EXOC4: variants seen among roughly 807,000 people sequenced by gnomAD.
EXOC4 encodes SEC8-like 1.
EXOC4 carries 71 observed loss-of-function variants against 107.2 expected under a neutral mutation model. The ratio of observed to expected loss-of-function variants is 0.66; its 90% CI spans 0.55 to 0.81. The LOEUF (loss-of-function observed/expected upper bound fraction) is 0.81. Ranked by LOEUF, EXOC4 falls within the 30% of genes least tolerant of loss-of-function variation. The probability of loss-of-function intolerance (pLI) is 0.00; values close to 1 mark genes in which losing one functional copy is unlikely to be tolerated. For missense variants in EXOC4, 1,108 were observed against 1,189.6 expected, an observed-to-expected ratio of 0.93 and a Z score of 1.01; for synonymous variants, 456 against 441.2, an observed-to-expected ratio of 1.03 and a Z score of -0.42.
At chr7:133,835,166 GA>G (rs1396456296) in intron 11 of EXOC4, among the ~76,000 whole-genome samples, 2 of 151,986 alleles carry the variant, frequency 1.3e-5, no homozygotes, top group African/African-American at 4.8e-5. Flanking sequence ...CTAATACAGC[GA>G]AAAATAAAAA....
chr7:133,275,216 T>C (rs1793962169), intron 2 of EXOC4, 45 bp downstream of exon 2: 1 of 1,455,630 alleles, frequency 6.9e-7, no homozygotes, highest in Non-Finnish European at 9.2e-7. Context: ...TTCCCATCAC[T>C]ATAGGTGTTG....
At chr7:133,770,442 C>G (rs1172008801) in intron 10 of EXOC4, among the ~76,000 whole-genome samples, 1 of 151,862 alleles carries the variant, frequency 6.6e-6, no homozygotes, top group Non-Finnish European at 1.5e-5. Flanking sequence ...TGCTGTAAAC[C>G]ATAATTTGAT....
At chr7:133,567,257 A>G (rs57349625) in intron 9 of EXOC4, among the ~76,000 whole-genome samples, 19,909 of 151,946 alleles carry the variant, frequency 0.13, 1,423 homozygotes, top group East Asian at 0.24. Context: ...AAGCAAATAT[A>G]TATATATATT....
chr7:133,548,059 T>C (rs1287338583), intron 9 of EXOC4, among the ~76,000 whole-genome samples: 1 of 152,084 alleles, frequency 6.6e-6, no homozygotes, highest in African/African-American at 2.4e-5. Flanking sequence ...AGAATCCAAA[T>C]GACTCCTTGA....
At chr7:133,439,863 C>A (rs2150789366) in intron 7 of EXOC4, among the ~76,000 whole-genome samples, 1 of 152,260 alleles carries the variant, frequency 6.6e-6, no homozygotes. Context: ...GTAGAGATTC[C>A]TAACAATGAA....
chr7:133,943,514 A>G (rs1316330964), intron 14 of EXOC4, among the ~76,000 whole-genome samples: 1 of 152,154 alleles, frequency 6.6e-6, no homozygotes, highest in Admixed American at 6.5e-5. Flanking sequence ...AATGTTTCTT[A>G]AACTTACTTT....
intron 11 of EXOC4, among the ~76,000 whole-genome samples, chr7:133,835,331 C>T (rs1245034834): frequency 1.3e-5 from 2 of 152,074 alleles, no homozygotes; most frequent in Non-Finnish European, 1.5e-5. Flanking sequence ...CCAAGGTGGT[C>T]GGGGTGCAGC....
intron 5 of EXOC4, among the ~76,000 whole-genome samples, chr7:133,320,905 G>A (rs1795095220): frequency 6.6e-6 from 1 of 152,134 alleles, no homozygotes; most frequent in Non-Finnish European, 1.5e-5. Context: ...ATAATAAAAA[G>A]CAGGAATTTT....
intron 9 of EXOC4, among the ~76,000 whole-genome samples, chr7:133,542,488 T>C (rs1800399640): frequency 6.6e-6 from 1 of 152,162 alleles, no homozygotes; most frequent in Admixed American, 6.5e-5. Flanking sequence ...AAGTTACTTT[T>C]GGCCAGTTTT....
chr7:133,495,421 T>TAATGTGCACTTCACTGCACTCATCTTA (rs1287733738), intron 9 of EXOC4, among the ~76,000 whole-genome samples: 1 of 152,168 alleles, frequency 6.6e-6, no homozygotes, highest in African/African-American at 2.4e-5. Context: ...GTGAAGTGTG[T>TAATGTGCACTTCACTGCACTCATCTTA]AATGTGCACT....
At chr7:133,832,071 T>A (rs1797822777) in intron 11 of EXOC4, among the ~76,000 whole-genome samples, 1 of 152,222 alleles carries the variant, frequency 6.6e-6, no homozygotes, top group Non-Finnish European at 1.5e-5. Context: ...TATATACGTA[T>A]AGCAGTGTCA....
At chr7:133,853,397 C>CA (rs3222473) in intron 11 of EXOC4, among the ~76,000 whole-genome samples, 34 of 121,810 alleles carry the variant, frequency 2.8e-4, no homozygotes, top group Non-Finnish European at 4.6e-4. Flanking sequence ...CACACACACA[C>CA]AACTTTTTAG....
At chr7:134,057,958 T>A (rs941231710) in intron 17 of EXOC4, among the ~76,000 whole-genome samples, 7 of 152,234 alleles carry the variant, frequency 4.6e-5, no homozygotes, top group African/African-American at 1.7e-4. Flanking sequence ...TTAGTTGATC[T>A]CTTAAATATT....
chr7:133,883,247 A>T (rs1309433996), intron 11 of EXOC4, among the ~76,000 whole-genome samples: 2 of 151,566 alleles, frequency 1.3e-5, no homozygotes, highest in Non-Finnish European at 2.9e-5. Flanking sequence ...ATTATTCTGC[A>T]GTCTTCCATT....
rs1480916179 is a variant in EXOC4, at chr7:134,065,586, T to C, written c.*1058T>C. 6.6e-6 allele frequency: 1 copy of C among 152,102 alleles called. No homozygotes were observed. Among genetic ancestry groups the C allele is most frequent in the Non-Finnish European group, 1.5e-5 (1 of 68,086 alleles). 9.4% of individuals were successfully genotyped at this position (152,102 alleles called of 1,614,324 possible). ...GTTCATAGGTCATAGAAGGCAGCAA[T>C]GCACTGACTGGGCCACATCTTGAAA... On this transcript the variant is annotated 3_prime_UTR_variant, in exon 18 of 18. Coordinates refer to ENST00000253861, the MANE Select transcript of EXOC4 (RefSeq NM_021807.4).
At chr7:133,994,783 GTGTGTTTCTAGTAATCTCATACCT>G (rs1794349322) in intron 14 of EXOC4, among the ~76,000 whole-genome samples, 1 of 152,032 alleles carries the variant, frequency 6.6e-6, no homozygotes, top group South Asian at 2.1e-4. Context: ...GTGTGTGTGT[GTGTGTTTCTAGTAATCTCATACCT>G]TAACTGTAAC....
intron 10 of EXOC4, among the ~76,000 whole-genome samples, chr7:133,645,352 A>G (rs1292709438): frequency 6.6e-6 from 1 of 151,590 alleles, no homozygotes; most frequent in African/African-American, 2.4e-5. Context: ...TCGACCTCCC[A>G]GAGTGCTAGG....
chr7:133,797,422 G>T (rs1007189308), intron 10 of EXOC4, among the ~76,000 whole-genome samples: 4 of 152,166 alleles, frequency 2.6e-5, no homozygotes, highest in Non-Finnish European at 4.4e-5. Context: ...TTTCAGGTGT[G>T]ATTATCAAAG....
At chr7:133,968,167 T>TC (rs1801114552) in intron 14 of EXOC4, among the ~76,000 whole-genome samples, 1 of 152,150 alleles carries the variant, frequency 6.6e-6, no homozygotes, top group Admixed American at 6.5e-5. Flanking sequence ...TGCTTTTTTT[T>TC]CTCTTTTTTT....
Sources: gnomAD v4.1 joint callset for allele counts (sites outside exome capture counted in the v4.1 genomes callset) on GRCh38, gnomAD v4.1.1 for gene constraint, MANE v1.5 for transcripts, NCBI Gene and HGNC (gene_info 2026-07-23, HGNC 2026-07-21) for gene names.